DHRS4L2: variants seen among roughly 807,000 people sequenced by gnomAD.
DHRS4L2 encodes the protein dehydrogenase/reductase 4 like 2, also known as dehydrogenase/reductase SDR family member 4-like 2.
A neutral mutation model predicts 23.9 loss-of-function variants in DHRS4L2; 22 were observed. The ratio of observed to expected loss-of-function variants is 0.92; its 90% CI spans 0.66 to 1.31. The LOEUF (loss-of-function observed/expected upper bound fraction) is 1.31. Ranked by LOEUF, DHRS4L2 falls within the 40% of genes most tolerant of loss-of-function variation. The pLI is 0.00. For synonymous variants in DHRS4L2, 141 were observed against 123.7 expected (o/e 1.14, Z -0.93); for missense variants, 385 against 303.3 (o/e 1.27, Z -2.00).
chr14:23,981,597 G>C (rs1202786016), intron 1 of DHRS4L2, among the ~76,000 whole-genome samples: 2 of 151,650 alleles, frequency 1.3e-5, no homozygotes, highest in Non-Finnish European at 2.9e-5. Context: ...AGAAAGAAAA[G>C]TGGGCCCAGG....
upstream of DHRS4L2, among the ~76,000 whole-genome samples, chr14:23,988,571 A>C (rs911845332): frequency 2.6e-5 from 4 of 151,532 alleles, no homozygotes; most frequent in Admixed American, 6.6e-5. Flanking sequence ...ATTCTGAAGA[A>C]GCAAAAGCAA....
At position 23,971,166 on chromosome 14, in the gene DHRS4L2, A is replaced by C. The variant is rs1483268606; in HGVS notation, c.-176+834A>C. Among the ~76,000 whole-genome samples, 6 of 152,096 alleles carry C rather than the reference A, an allele frequency of 3.9e-5. No individual in the cohort carries two copies. In the East Asian group the frequency reaches 7.7e-4, roughly 20 times the overall value. On this transcript the variant is annotated intron_variant, in intron 1 of 5. Transcript: ENST00000534993. ...AGAATAAGTTTGATAACTTGACAGA[A>C]GTTAAGCTTCAGAAGGTCAGTAATA...
Position 23,989,080 on chromosome 14 carries a change from G to C in DHRS4L2, c.128+5G>C, listed in dbSNP as rs755555554. 3 of 1,564,848 alleles carry C rather than the reference G, an allele frequency of 1.9e-6. No homozygotes were observed. Among genetic ancestry groups the C allele is most frequent in the African/African-American group, 1.4e-5 (1 of 73,728 alleles). On this transcript the variant is annotated splice_donor_5th_base_variant and intron_variant, in intron 1 of 7. Transcript: ENST00000335125. ...GGTAACGGCCTCCACCGACGGGTGA[G>C]TGTTGGTGCCGGAGTTTCTGAGGCC...
At chr14:23,997,635 C>T (rs1357817547) in intron 3 of DHRS4L2, among the ~76,000 whole-genome samples, 2 of 146,646 alleles carry the variant, frequency 1.4e-5, no homozygotes, top group Non-Finnish European at 3.0e-5. Flanking sequence ...TTTGCTTATC[C>T]GTACGAACCA....
upstream of DHRS4L2, among the ~76,000 whole-genome samples, chr14:23,987,775 C>G (rs1392329822): frequency 6.6e-6 from 1 of 151,792 alleles, no homozygotes; most frequent in Non-Finnish European, 1.5e-5. Context: ...TTGCTTTGAA[C>G]TAGTGAAAAC....
intron 1 of DHRS4L2, among the ~76,000 whole-genome samples, chr14:23,982,226 C>T (rs1434796574): frequency 1.3e-5 from 2 of 151,642 alleles, no homozygotes; most frequent in African/African-American, 4.8e-5. Flanking sequence ...TTTATTGAGA[C>T]TGAAGAATGG....
chr14:23,993,795 A>C (rs2034318272), intron 2 of DHRS4L2, among the ~76,000 whole-genome samples: 1 of 151,690 alleles, frequency 6.6e-6, no homozygotes, highest in Admixed American at 6.6e-5. Flanking sequence ...GAATTGCTTT[A>C]AATTCAGGCT....
intron 1 of DHRS4L2, among the ~76,000 whole-genome samples, chr14:23,971,489 T>C (rs2033856904): frequency 6.6e-6 from 1 of 151,906 alleles, no homozygotes; most frequent in South Asian, 2.1e-4. Context: ...ATTCAGGAAA[T>C]ACAGAGAACA....
At chr14:23,974,042 A>G (rs1012456078) in intron 1 of DHRS4L2, among the ~76,000 whole-genome samples, 5 of 151,618 alleles carry the variant, frequency 3.3e-5, no homozygotes, top group Admixed American at 2.0e-4. Context: ...AATCACAACA[A>G]ACTGTCTCCC....
chr14:23,990,129 C>T (rs934122633), intron 1 of DHRS4L2, 53 bp from the exon 2 acceptor site: 30 of 1,600,356 alleles, frequency 1.9e-5, no homozygotes, highest in Admixed American at 1.6e-4. Flanking sequence ...CCCATGCTGT[C>T]GACCTCTTCC....
Position 23,995,061 on chromosome 14 carries a change from C to T in DHRS4L2, c.336C>T (p.Ile112=), listed in dbSNP as rs746187817. Residue 112 remains isoleucine (I), a synonymous_variant, in exon 3 of 8, where the codon ATC becomes ATT. Transcript: ENST00000335125. ...MAVKLHGGID[I]LVSNAAVNPF... Reference sequence around the variant, plus strand: ...TGAAGCTTCATGGAGGTATCGATATCCTAGTCTCCAATGCTGCTGTCAACC... The same window carrying T: ...TGAAGCTTCATGGAGGTATCGATATTCTAGTCTCCAATGCTGCTGTCAACC... 1 of 1,613,004 alleles carries T rather than the reference C, an allele frequency of 6.2e-7. No homozygotes were observed. Among genetic ancestry groups the T allele is most frequent in the Admixed American group, 1.7e-5 (1 of 59,994 alleles).
chr14:23,988,322 T>C (rs66845024), upstream of DHRS4L2, among the ~76,000 whole-genome samples: 3,526 of 142,398 alleles, frequency 0.025, 304 homozygotes, highest in Middle Eastern at 0.061. Context: ...GATCCTGTTT[T>C]GCCAATGACC....
intron 1 of DHRS4L2, among the ~76,000 whole-genome samples, chr14:23,977,690 T>C (rs1432394444): frequency 6.6e-6 from 1 of 151,774 alleles, no homozygotes; most frequent in East Asian, 1.9e-4. Flanking sequence ...CTTATTTTTC[T>C]TCTTCTGTAC....
chr14:23,989,784 T>G (rs2034228135), intron 1 of DHRS4L2, among the ~76,000 whole-genome samples: 2 of 151,786 alleles, frequency 1.3e-5, no homozygotes, highest in Admixed American at 1.3e-4. Context: ...ATGGAAAGAA[T>G]TTTGAGAATG....
intron 1 of DHRS4L2, among the ~76,000 whole-genome samples, chr14:23,974,256 G>A (rs78155004): frequency 1.9e-4 from 28 of 148,630 alleles, no homozygotes; most frequent in East Asian, 3.9e-4. Context: ...ACAGTGTGTA[G>A]AGGGATATTT....
intron 2 of DHRS4L2, among the ~76,000 whole-genome samples, chr14:23,992,405 G>C (rs1429275880): frequency 6.6e-6 from 1 of 151,560 alleles, no homozygotes; most frequent in Non-Finnish European, 1.5e-5. Flanking sequence ...AGAAGAGAAT[G>C]ATAGAATACT....
At chr14:23,975,819 T>G (rs1400771932) in intron 1 of DHRS4L2, among the ~76,000 whole-genome samples, 6 of 151,866 alleles carry the variant, frequency 4.0e-5, no homozygotes, top group Admixed American at 3.3e-4. Context: ...TTCAACCATC[T>G]GCTCTTTGAC....
chr14:23,976,332 C>T (rs2033963393), intron 1 of DHRS4L2, among the ~76,000 whole-genome samples: 1 of 151,890 alleles, frequency 6.6e-6, no homozygotes, highest in Non-Finnish European at 1.5e-5. Flanking sequence ...GACATTTACA[C>T]AGCCAACAGA....
intron 1 of DHRS4L2, among the ~76,000 whole-genome samples, chr14:23,973,215 C>T (rs2138503691): frequency 6.6e-6 from 1 of 152,104 alleles, no homozygotes; most frequent in South Asian, 2.1e-4. Flanking sequence ...CAGACTATCA[C>T]ATGGGGAGAA....
Sources: gnomAD v4.1 joint callset for allele counts (sites outside exome capture counted in the v4.1 genomes callset) on GRCh38, gnomAD v4.1.1 for gene constraint, MANE v1.5 for transcripts, NCBI Gene and HGNC (gene_info 2026-07-23, HGNC 2026-07-21) for gene names.